The following PCDHGA1 variants were observed in gnomAD, a reference collection of about 807,000 sequenced individuals.
The protein encoded by PCDHGA1 is protocadherin gamma-A1.
In PCDHGA1, 32 loss-of-function variants were observed where a neutral mutation model predicts 58.0. The observed-to-expected ratio is 0.55, with a 90% CI of 0.42 to 0.74. The LOEUF is 0.74. Ranked by LOEUF, PCDHGA1 falls within the 30% of genes least tolerant of loss-of-function variation. The probability of loss-of-function intolerance (pLI) is 0.00; values close to 1 mark genes in which losing one functional copy is unlikely to be tolerated. For missense variants in PCDHGA1, 1,205 were observed against 1,182.3 expected (o/e 1.02, Z -0.28); for synonymous variants, 498 against 501.1 (o/e 0.99, Z 0.08).
chr5:141,490,874 A>C lies in PCDHGA1; in HGVS notation c.2422-3933A>C. 1 of 1,613,948 alleles carries C rather than the reference A, an allele frequency of 6.2e-7. No homozygotes were observed. The highest frequency in any genetic ancestry group is 1.3e-5 in the African/African-American group (1 of 75,054). The stretch of plus-strand genomic sequence containing the variant: ...CGAGACTCCGGCTCTCCCCCATTGC[A>C]TGCCAACACATCTCTGCATGTGTTT... On this transcript the variant is annotated intron_variant, in intron 1 of 3. Coordinates refer to ENST00000517417, the MANE Select transcript of PCDHGA1 (RefSeq NM_018912.3). The surrounding 1 kb of genome is among the most constrained non-coding windows in gnomAD (Gnocchi z 5.4).
Position 141,487,845 on chromosome 5 carries a change from A to C in PCDHGA1, c.2422-6962A>C, listed in dbSNP as rs2099667978. ...GGGTCATGCCTATATCTGAGTAAGA[A>C]ATGAAAGTAATTGGTGATCAAGAGC... On this transcript the variant is annotated intron_variant, in intron 1 of 3. Coordinates refer to ENST00000517417, the MANE Select transcript of PCDHGA1 (RefSeq NM_018912.3). The surrounding 1 kb of genome is among the most constrained non-coding windows in gnomAD (Gnocchi z 5.0). 2.9e-6 allele frequency: 3 copies of C among 1,027,382 alleles called. No homozygotes were observed. Among genetic ancestry groups the C allele is most frequent in the Non-Finnish European group, 4.2e-6 (3 of 716,452 alleles). The allele number at this position is 1,027,382 out of a possible 1,614,324, so 63.6% of individuals were successfully genotyped here.
chr5:141,451,256 A>T (rs376288655), intron 1 of PCDHGA1, among the ~76,000 whole-genome samples: 1 of 152,212 alleles, frequency 6.6e-6, no homozygotes, highest in African/African-American at 2.4e-5. Context: ...GTGGATCAGG[A>T]CTGGGTATAG....
intron 1 of PCDHGA1, among the ~76,000 whole-genome samples, chr5:141,461,366 A>G (rs1186381077): frequency 6.6e-6 from 1 of 151,964 alleles, no homozygotes; most frequent in Non-Finnish European, 1.5e-5. Flanking sequence ...TTGTGGTTTT[A>G]ATTTGCATTT....
chr5:141,420,488 A>C, intron 1 of PCDHGA1: 1 of 534,916 alleles, frequency 1.9e-6, no homozygotes, highest in East Asian at 3.8e-5. Context: ...CTACATGGGT[A>C]ATCTCCGGTG....
intron 2 of PCDHGA1, among the ~76,000 whole-genome samples, chr5:141,495,758 C>T (rs2099763543): frequency 6.6e-6 from 1 of 152,122 alleles, no homozygotes; most frequent in Non-Finnish European, 1.5e-5. Flanking sequence ...ATCTCTGCCT[C>T]CCTGTCCTTG....
intron 1 of PCDHGA1, chr5:141,388,568 AC>A: frequency 6.2e-7 from 1 of 1,613,888 alleles, no homozygotes; most frequent in East Asian, 2.2e-5. Context: ...CTGCACAGAT[AC>A]ACGTTCTAGT....
At chr5:141,384,919 G>C in intron 1 of PCDHGA1, 1 of 1,613,976 alleles carries the variant, frequency 6.2e-7, no homozygotes, top group Non-Finnish European at 8.5e-7. Context: ...AGTCTTGGCC[G>C]ACCTGGGCAG....
chr5:141,410,068 C>A, intron 1 of PCDHGA1: 1 of 1,612,950 alleles, frequency 6.2e-7, no homozygotes. Context: ...TGGGGCTGCG[C>A]ACTGGGGAGG....
intron 1 of PCDHGA1, chr5:141,351,564 C>A (rs1156892059): frequency 1.2e-6 from 2 of 1,613,956 alleles, no homozygotes; most frequent in Admixed American, 3.3e-5. Context: ...ACAAGCATCA[C>A]CCTGCACATC....
rs1554116873 is a variant in PCDHGA1 at position 141,423,758 on chromosome 5, G to GT, written c.2422-71049_2422-71048insT. On this transcript the variant is annotated intron_variant, in intron 1 of 3. Coordinates refer to ENST00000517417, the MANE Select transcript of PCDHGA1 (RefSeq NM_018912.3). Reference sequence around the variant, plus strand: ...CTGTTATGAAAACTGTTTGGGGGGGGGGTGGGGCGGCATATATTTAGTTCA... The same window carrying GT: ...CTGTTATGAAAACTGTTTGGGGGGGGTGGTGGGGCGGCATATATTTAGTTCA... 14 of 366,842 alleles carry GT rather than the reference G, an allele frequency of 3.8e-5. 1 individual carries two copies. The highest frequency in any genetic ancestry group is 5.4e-5 in the Non-Finnish European group (14 of 259,742). The allele number at this position is 366,842 out of a possible 1,614,324, so 22.7% of individuals were successfully genotyped here. A position where few individuals can be genotyped will look rare whatever the true frequency, so the allele number is the denominator to read the frequency against.
At chr5:141,409,075 G>A (rs1416534881) in intron 1 of PCDHGA1, 2 of 1,613,904 alleles carry the variant, frequency 1.2e-6, no homozygotes, top group East Asian at 2.2e-5. Flanking sequence ...CAAAACATAT[G>A]TTCTCATTGG....
rs112156044 is a variant in PCDHGA1, at chr5:141,476,771, G to T, written c.2422-18036G>T. ...CCAGTTAGTGCTGACGGCGTTGGAC[G>T]GAGGGACCCCAGCTCTCTCCGCCAG... On this transcript the variant is annotated intron_variant, in intron 1 of 3. Coordinates refer to ENST00000517417, the MANE Select transcript of PCDHGA1 (RefSeq NM_018912.3). The surrounding 1 kb of genome is among the most constrained non-coding windows in gnomAD (Gnocchi z 7.6). The T allele has an allele frequency of 6.2e-7, 1 of 1,613,700 alleles. No homozygotes were observed. The highest frequency in any genetic ancestry group is 1.1e-5 in the South Asian group (1 of 91,084).
intron 1 of PCDHGA1, chr5:141,399,413 C>T (rs1456440098): frequency 2.5e-5 from 41 of 1,613,930 alleles, no homozygotes; most frequent in Non-Finnish European, 3.2e-5. Context: ...CCGCCCCTCT[C>T]CTCCAGCATA....
chr5:141,402,854 C>A, intron 1 of PCDHGA1: 2 of 1,423,530 alleles, frequency 1.4e-6, no homozygotes, highest in Non-Finnish European at 1.8e-6. Flanking sequence ...CCTCTTTCTT[C>A]TAAGGAAAAG....
intron 1 of PCDHGA1, among the ~76,000 whole-genome samples, chr5:141,462,825 C>T (rs1040054698): frequency 4.6e-5 from 7 of 152,124 alleles, no homozygotes; most frequent in Admixed American, 3.9e-4. Context: ...GGACAGCAGA[C>T]ATTGTAAATG....
intron 1 of PCDHGA1, chr5:141,392,622 A>C: frequency 3.6e-6 from 2 of 558,650 alleles, no homozygotes; most frequent in Non-Finnish European, 6.1e-6. Flanking sequence ...AACCGAAAAC[A>C]CTCAGATCTC....
At position 141,491,150 on chromosome 5, in the gene PCDHGA1, A is replaced by G; in HGVS notation, c.2422-3657A>G. On this transcript the variant is annotated intron_variant, in intron 1 of 3. Coordinates refer to ENST00000517417, the MANE Select transcript of PCDHGA1 (RefSeq NM_018912.3). This position sits in a 1 kb window ranked among gnomAD's most constrained non-coding sequence, Gnocchi z 6.9. ...CGCACAGCCCGGGCCTTACTGGAGG[A>G]TGACTCTGACACCCAGCAGGTGGTG... is the stretch of plus-strand genomic sequence containing the variant. 1 of 1,614,122 alleles carries G rather than the reference A, an allele frequency of 6.2e-7. No individual in the cohort carries two copies. Among genetic ancestry groups the G allele is most frequent in the African/African-American group, 1.3e-5 (1 of 75,060 alleles).
chr5:141,357,010 C>T (rs1340112030), intron 1 of PCDHGA1: 2 of 1,614,032 alleles, frequency 1.2e-6, no homozygotes, highest in Admixed American at 3.3e-5. Flanking sequence ...GAATGCCTGG[C>T]TGTCCTACAG....
At chr5:141,369,130 A>G (rs1214670751) in intron 1 of PCDHGA1, among the ~76,000 whole-genome samples, 1 of 152,246 alleles carries the variant, frequency 6.6e-6, no homozygotes, top group Non-Finnish European at 1.5e-5. Context: ...CCTGTCAGAA[A>G]CATGGAAAAT....
Sources: gnomAD v4.1 joint callset for allele counts (sites outside exome capture counted in the v4.1 genomes callset) on GRCh38, gnomAD v4.1.1 for gene constraint, Gnocchi (gnomAD v3.1) non-coding constraint, MANE v1.5 for transcripts, NCBI Gene and HGNC (gene_info 2026-07-23, HGNC 2026-07-21) for gene names.